The following ARHGAP15 variants were observed in gnomAD, a reference collection of about 807,000 sequenced individuals.
ARHGAP15 encodes rho GTPase-activating protein 15.
A neutral mutation model predicts 63.7 loss-of-function variants in ARHGAP15; 51 were observed. The observed-to-expected ratio is 0.80, with a 90% CI of 0.64 to 1.01. The LOEUF is 1.01. ARHGAP15 is among the 50% of genes least tolerant of loss of function. The probability of loss-of-function intolerance (pLI) is 0.00; values close to 1 mark genes in which losing one functional copy is unlikely to be tolerated. For synonymous variants in ARHGAP15, 191 were observed against 193.8 expected (o/e 0.99, Z 0.12); for missense variants, 560 against 564.6 (o/e 0.99, Z 0.08).
At chr2:143,728,366 T>A in intron 13 of ARHGAP15, among the ~76,000 whole-genome samples, 1 of 152,230 alleles carries the variant, frequency 6.6e-6, no homozygotes, top group East Asian at 1.9e-4. Flanking sequence ...AAAGGCCCAG[T>A]CTCCAAATGC....
rs1574919358 is a variant in ARHGAP15 at position 143,744,644 on chromosome 2, T to C, written c.1245-23345T>C. Among the ~76,000 whole-genome samples the C allele has an allele frequency of 2.6e-5, 4 of 152,350 alleles. No individual in the cohort carries two copies. The South Asian group carries it at 6.2e-4, about 24-fold the overall frequency. On this transcript the variant is annotated intron_variant, in intron 13 of 13. Transcript: ENST00000295095. The stretch of plus-strand genomic sequence containing the variant: ...AGGGAATCTACTGAAGCTCCTTTAT[T>C]CAGCATCCTTGTACATCTCCCCTCT...
At chr2:143,311,967 T>G (rs1189544870) in intron 6 of ARHGAP15, among the ~76,000 whole-genome samples, 1 of 152,128 alleles carries the variant, frequency 6.6e-6, no homozygotes, top group Non-Finnish European at 1.5e-5. Context: ...TCCTTTTTTT[T>G]CCCTCTTCAC....
chr2:143,660,855 T>C (rs1046592888), intron 12 of ARHGAP15, among the ~76,000 whole-genome samples: 2 of 152,206 alleles, frequency 1.3e-5, no homozygotes, highest in Non-Finnish European at 2.9e-5. Context: ...CCACGTTCTA[T>C]TAGTTTTCTA....
intron 6 of ARHGAP15, among the ~76,000 whole-genome samples, chr2:143,398,678 G>A (rs1449587316): frequency 6.6e-6 from 1 of 151,924 alleles, no homozygotes; most frequent in African/African-American, 2.4e-5. Flanking sequence ...CCCTTGCAAT[G>A]TTTAATGAGA....
intron 9 of ARHGAP15, among the ~76,000 whole-genome samples, chr2:143,495,232 T>A (rs1692765066): frequency 6.6e-6 from 1 of 152,148 alleles, no homozygotes; most frequent in African/African-American, 2.4e-5. Context: ...CTTTTCCTCT[T>A]CTTTATTTAG....
chr2:143,218,607 T>A (rs1018146614), intron 4 of ARHGAP15, among the ~76,000 whole-genome samples: 5 of 152,306 alleles, frequency 3.3e-5, no homozygotes, highest in Non-Finnish European at 7.4e-5. Context: ...AACCTTATTA[T>A]GTTTCTTACT....
At chr2:143,632,732 A>AT (rs1680107449) in intron 12 of ARHGAP15, among the ~76,000 whole-genome samples, 1 of 152,118 alleles carries the variant, frequency 6.6e-6, no homozygotes, top group Non-Finnish European at 1.5e-5. Context: ...TTTTCCCCCC[A>AT]TGGCCTTTAT....
intron 13 of ARHGAP15, among the ~76,000 whole-genome samples, chr2:143,767,077 AAG>A (rs1388654370): frequency 2.0e-5 from 3 of 152,132 alleles, no homozygotes; most frequent in African/African-American, 4.8e-5. Flanking sequence ...TGGTAGAATG[AAG>A]AGTTTGATAT....
chr2:143,716,224 G>A (rs965129567), intron 13 of ARHGAP15, among the ~76,000 whole-genome samples: 1 of 152,088 alleles, frequency 6.6e-6, no homozygotes, highest in Admixed American at 6.5e-5. Flanking sequence ...TGTTAAAAGG[G>A]TGCAAGCACT....
At chr2:143,443,535 A>C (rs1436782882) in intron 8 of ARHGAP15, among the ~76,000 whole-genome samples, 1 of 152,108 alleles carries the variant, frequency 6.6e-6, no homozygotes, top group Non-Finnish European at 1.5e-5. Context: ...GAAACAAATC[A>C]CTTCATATTA....
chr2:143,629,625 A>G (rs985687576), intron 12 of ARHGAP15, among the ~76,000 whole-genome samples: 1 of 152,168 alleles, frequency 6.6e-6, no homozygotes, highest in African/African-American at 2.4e-5. Context: ...AGATCCAAAG[A>G]AAAAAGACAA....
chr2:143,498,638 T>C (rs1443144517), intron 9 of ARHGAP15, among the ~76,000 whole-genome samples: 1 of 152,132 alleles, frequency 6.6e-6, no homozygotes, highest in Non-Finnish European at 1.5e-5. Flanking sequence ...CAGCTATATG[T>C]CATAAACACC....
intron 6 of ARHGAP15, among the ~76,000 whole-genome samples, chr2:143,275,945 C>T (rs903293682): frequency 6.6e-6 from 1 of 152,194 alleles, no homozygotes; most frequent in Non-Finnish European, 1.5e-5. Flanking sequence ...AAGTCTTAAG[C>T]TATTAGGTAC....
intron 6 of ARHGAP15, among the ~76,000 whole-genome samples, chr2:143,323,186 G>A (rs956604446): frequency 1.3e-5 from 2 of 152,204 alleles, no homozygotes; most frequent in African/African-American, 2.4e-5. Flanking sequence ...TTCACAGATT[G>A]AGAAGGAACA....
rs532745023 is a variant in ARHGAP15 at position 143,405,198 on chromosome 2, TTAAG to T, written c.475-30397_475-30394del. 9.5e-4 allele frequency among the ~76,000 whole-genome samples: 144 copies of T among 152,064 alleles called. 1 individual carries two copies. The highest frequency in any genetic ancestry group is 2.9e-3 in the African/African-American group (122 of 41,536). The stretch of plus-strand genomic sequence containing the variant: ...AGGAGAAAGCATTTTATGAAGTATA[TTAAG>T]TAAGTTTGATGTTATAATGTATACC... On this transcript the variant is annotated intron_variant, in intron 6 of 13. Transcript: ENST00000295095.
At chr2:143,495,945 C>G (rs775841027) in intron 9 of ARHGAP15, among the ~76,000 whole-genome samples, 12 of 152,200 alleles carry the variant, frequency 7.9e-5, no homozygotes, top group Non-Finnish European at 1.6e-4. Flanking sequence ...ACTCTGACAA[C>G]TTCCACGATA....
At chr2:143,726,750 A>G (rs1685297719) in intron 13 of ARHGAP15, among the ~76,000 whole-genome samples, 1 of 152,222 alleles carries the variant, frequency 6.6e-6, no homozygotes, top group Non-Finnish European at 1.5e-5. Flanking sequence ...CCACTTTTCC[A>G]CTAATAATTC....
intron 6 of ARHGAP15, among the ~76,000 whole-genome samples, chr2:143,258,947 A>C (rs1203678119): frequency 6.6e-6 from 1 of 152,186 alleles, no homozygotes. Context: ...AAATTGCTGA[A>C]GCACCTTGAA....
At chr2:143,723,300 A>G (rs1685142655) in intron 13 of ARHGAP15, among the ~76,000 whole-genome samples, 1 of 152,112 alleles carries the variant, frequency 6.6e-6, no homozygotes, top group Non-Finnish European at 1.5e-5. Context: ...CAACCTATCC[A>G]TTGGTCCTAT....
Sources: gnomAD v4.1 joint callset for allele counts (sites outside exome capture counted in the v4.1 genomes callset) on GRCh38, gnomAD v4.1.1 for gene constraint, MANE v1.5 for transcripts, NCBI Gene and HGNC (gene_info 2026-07-23, HGNC 2026-07-21) for gene names.